The following GPC6 variants were observed in gnomAD, a reference collection of about 807,000 sequenced individuals.
GPC6 encodes the protein glypican 6.
GPC6 carries 14 observed loss-of-function variants against 55.2 expected under a neutral mutation model. The observed-to-expected ratio is 0.25, with a 90% confidence interval of 0.17 to 0.40. GPC6 has a LOEUF of 0.40. Among genes scored for constraint, GPC6 ranks in the 10% least tolerant of loss-of-function variants. The probability of loss-of-function intolerance (pLI) is 1.00; values close to 1 mark genes in which losing one functional copy is unlikely to be tolerated. For missense variants in GPC6, 641 were observed against 708.5 expected, an observed-to-expected ratio of 0.90 and a Z score of 1.08; for synonymous variants, 278 against 259.6, an observed-to-expected ratio of 1.07 and a Z score of -0.68.
At chr13:93,436,024 G>A (rs1310171262) in intron 1 of GPC6, among the ~76,000 whole-genome samples, 1 of 152,132 alleles carries the variant, frequency 6.6e-6, no homozygotes, top group African/African-American at 2.4e-5. Context: ...TAGCCCATAC[G>A]TTCTGCCATG....
At chr13:93,952,511 G>A (rs1360233315) in intron 3 of GPC6, among the ~76,000 whole-genome samples, 1 of 151,722 alleles carries the variant, frequency 6.6e-6, no homozygotes, top group Non-Finnish European at 1.5e-5. Flanking sequence ...AATGCCCTAG[G>A]TTATTAGGAA....
chr13:93,906,272 C>G (rs1018831236), intron 3 of GPC6, among the ~76,000 whole-genome samples: 1 of 152,152 alleles, frequency 6.6e-6, no homozygotes, highest in Non-Finnish European at 1.5e-5. Context: ...CTAGATTTTG[C>G]ATCTTCTCTT....
chr13:93,752,326 G>A (rs1884623278), intron 2 of GPC6, among the ~76,000 whole-genome samples: 2 of 151,948 alleles, frequency 1.3e-5, no homozygotes, highest in African/African-American at 4.8e-5. Flanking sequence ...ATCTTCAGGA[G>A]CTCAGCAGGG....
chr13:93,496,175 G>C (rs1001131706), intron 1 of GPC6, among the ~76,000 whole-genome samples: 4 of 152,252 alleles, frequency 2.6e-5, no homozygotes, highest in African/African-American at 9.6e-5. Context: ...CAATCAGCGA[G>C]AGTCCGTGGG....
intron 3 of GPC6, among the ~76,000 whole-genome samples, chr13:93,941,010 C>T (rs1156765598): frequency 6.6e-6 from 1 of 152,224 alleles, no homozygotes; most frequent in Middle Eastern, 3.4e-3. Context: ...GTTTTTGGCA[C>T]ATAATTGGTA....
At chr13:94,093,570 T>A (rs1156634138) in intron 4 of GPC6, among the ~76,000 whole-genome samples, 2 of 152,246 alleles carry the variant, frequency 1.3e-5, no homozygotes, top group East Asian at 3.9e-4. Context: ...TCAAGATTGC[T>A]TTAGCTATAG....
chr13:93,428,127 C>T lies in GPC6; in HGVS notation c.161-117136C>T, dbSNP rs1877218310. ...TCTGCCAAATTTATTAAATTGAGGG[C>T]CCAATACATTTTTTATGTGAAGATT... On this transcript the variant is annotated intron_variant, in intron 1 of 8. Transcript: ENST00000377047. 3.9e-5 allele frequency among the ~76,000 whole-genome samples: 6 copies of T among 152,002 alleles called. No individual in the cohort carries two copies. The South Asian group carries it at 1.2e-3, about 32-fold the overall frequency.
intron 1 of GPC6, among the ~76,000 whole-genome samples, chr13:93,443,805 T>A (rs143545909): frequency 6.6e-6 from 1 of 152,180 alleles, no homozygotes; most frequent in South Asian, 2.1e-4. Context: ...TTAATCATGA[T>A]CTAAGGAGTG....
At chr13:94,018,177 G>C (rs1882550855) in intron 3 of GPC6, among the ~76,000 whole-genome samples, 1 of 151,944 alleles carries the variant, frequency 6.6e-6, no homozygotes, top group Non-Finnish European at 1.5e-5. Context: ...TTAGATGATT[G>C]TGTGTGTTTT....
chr13:93,420,370 C>T (rs569266253), intron 1 of GPC6, among the ~76,000 whole-genome samples: 11 of 152,064 alleles, frequency 7.2e-5, no homozygotes, highest in Middle Eastern at 3.4e-3. Flanking sequence ...ATGGGACTAC[C>T]GTGGGAAGGA....
At chr13:94,358,754 T>A (rs1878919662) in intron 6 of GPC6, among the ~76,000 whole-genome samples, 1 of 152,186 alleles carries the variant, frequency 6.6e-6, no homozygotes, top group African/African-American at 2.4e-5. Context: ...CCATTTTTGA[T>A]CAGGGAAAAG....
At chr13:94,024,034 A>G (rs1882800775) in intron 3 of GPC6, among the ~76,000 whole-genome samples, 1 of 151,838 alleles carries the variant, frequency 6.6e-6, no homozygotes, top group Non-Finnish European at 1.5e-5. Flanking sequence ...ACAGTTCTGT[A>G]TGTTGATTGT....
At chr13:93,661,429 G>C (rs1026209872) in intron 2 of GPC6, among the ~76,000 whole-genome samples, 2 of 152,082 alleles carry the variant, frequency 1.3e-5, no homozygotes, top group African/African-American at 4.8e-5. Context: ...GGCCAGGCTG[G>C]TCTTGAATCC....
At chr13:93,472,144 A>G (rs926737099) in intron 1 of GPC6, among the ~76,000 whole-genome samples, 1 of 152,214 alleles carries the variant, frequency 6.6e-6, no homozygotes, top group Non-Finnish European at 1.5e-5. Context: ...TTTCCTGTGC[A>G]ATCGAGATTT....
chr13:93,322,632 G>T (rs1490795002), intron 1 of GPC6, among the ~76,000 whole-genome samples: 2 of 151,258 alleles, frequency 1.3e-5, no homozygotes, highest in Non-Finnish European at 2.9e-5. Context: ...TAGAGATGGG[G>T]TTTCACCATG....
At chr13:93,434,424 C>A (rs1877487526) in intron 1 of GPC6, among the ~76,000 whole-genome samples, 1 of 152,038 alleles carries the variant, frequency 6.6e-6, no homozygotes. Context: ...AACATTGTCT[C>A]CCCCAATTAT....
At chr13:94,107,865 C>T (rs377243249) in intron 4 of GPC6, among the ~76,000 whole-genome samples, 1 of 151,658 alleles carries the variant, frequency 6.6e-6, no homozygotes, top group African/African-American at 2.4e-5. Context: ...CAAGAATGGC[C>T]ATAATAAAAA....
At chr13:93,720,091 C>T (rs906733193) in intron 2 of GPC6, among the ~76,000 whole-genome samples, 4 of 152,056 alleles carry the variant, frequency 2.6e-5, no homozygotes, top group Admixed American at 2.6e-4. Context: ...ATGATGCTGG[C>T]CTCATAAAAT....
chr13:93,561,404 GATATATATAT>G (rs66957373), intron 2 of GPC6, among the ~76,000 whole-genome samples: 23 of 104,666 alleles, frequency 2.2e-4, no homozygotes, highest in African/African-American at 5.4e-4. Context: ...TATCCCTATC[GATATATATAT>G]ATATATATAT....
Sources: allele counts gnomAD v4.1 joint callset (sites outside exome capture counted in the v4.1 genomes callset), GRCh38; gene constraint gnomAD v4.1.1; transcripts MANE v1.5; gene names NCBI Gene and HGNC (gene_info 2026-07-23, HGNC 2026-07-21).